LONP2: variants seen among roughly 807,000 people sequenced by gnomAD.
LONP2 encodes the protein lon protease homolog 2, peroxisomal.
LONP2 carries 60 observed loss-of-function variants against 85.6 expected under a neutral mutation model. That is an observed-to-expected ratio of 0.70 (90% CI 0.57 to 0.87). The LOEUF is 0.87. Among genes scored for constraint, LONP2 ranks in the 40% least tolerant of loss-of-function variants. The pLI is 0.00. For missense variants in LONP2, 860 were observed against 1,063.5 expected, an observed-to-expected ratio of 0.81 and a Z score of 2.66; for synonymous variants, 395 against 389.7, an observed-to-expected ratio of 1.01 and a Z score of -0.16.
At chr16:48,250,725 C>A (rs1285358815) in intron 1 of LONP2, among the ~76,000 whole-genome samples, 1 of 152,132 alleles carries the variant, frequency 6.6e-6, no homozygotes, top group African/African-American at 2.4e-5. Context: ...TGATGAATAT[C>A]ATCTGCAATT....
At position 48,301,239 on chromosome 16, in the gene LONP2, A is replaced by G. The variant is rs544189174; in HGVS notation, c.1661+1451A>G. Among the ~76,000 whole-genome samples, 9 of 152,346 alleles carry G rather than the reference A, an allele frequency of 5.9e-5. No individual in the cohort carries two copies. In the South Asian group the frequency reaches 1.2e-3, roughly 21 times the overall value. On this transcript the variant is annotated intron_variant, in intron 10 of 14. Transcript: ENST00000285737. ...GTTCTAGTCTTTCTTATCTCCAAGT[A>G]TAACTCACCTGCTTGAATACTTCCA... is the stretch of plus-strand genomic sequence containing the variant.
At chr16:48,298,671 T>TGTGTGTGTGTGTG (rs1972731709) in intron 9 of LONP2, among the ~76,000 whole-genome samples, 1 of 65,522 alleles carries the variant, frequency 1.5e-5, no homozygotes. Flanking sequence ...GTGTGTGTGT[T>TGTGTGTGTGTGTG]TCAAGTATAG....
Position 48,353,089 on chromosome 16 carries a change from A to G in LONP2, c.*1287A>G, listed in dbSNP as rs1355698185. ...TTGTTACTGTGGAGATTAAGTTCAA[A>G]TGCAATGTATAGTAATATTAAGCAA... On this transcript the variant is annotated 3_prime_UTR_variant, in exon 15 of 15. Coordinates refer to ENST00000285737, the MANE Select transcript of LONP2 (RefSeq NM_031490.5). 1 of 152,232 alleles carries G rather than the reference A, an allele frequency of 6.6e-6. No individual in the cohort carries two copies. Among genetic ancestry groups the G allele is most frequent in the Non-Finnish European group, 1.5e-5 (1 of 68,040 alleles). 9.4% of individuals were successfully genotyped at this position (152,232 alleles called of 1,614,324 possible).
In LONP2 at chr16:48,262,879, C is replaced by CA. The variant is rs1971907315; in HGVS notation, c.982+13dup. 6.5e-7 allele frequency: 1 copy of CA among 1,541,356 alleles called. No homozygotes were observed. The highest frequency in any genetic ancestry group is 8.9e-7 in the Non-Finnish European group (1 of 1,120,194). Reference sequence around the variant, plus strand: ...TGGAACAAAAGTACAACTGGTAAGCCAAAAAATAACACCTGTTTTGCAGTC... The same window carrying CA: ...TGGAACAAAAGTACAACTGGTAAGCCAAAAAAATAACACCTGTTTTGCAGTC... On this transcript the variant is annotated splice_region_variant and intron_variant, in intron 6 of 14. Coordinates refer to ENST00000285737, the MANE Select transcript of LONP2 (RefSeq NM_031490.5).
At chr16:48,261,281 C>G (rs1335422575) in intron 4 of LONP2, 143 bp from the exon 5 acceptor site, 1 of 566,424 alleles carries the variant, frequency 1.8e-6, no homozygotes, top group African/African-American at 1.9e-5. Flanking sequence ...TTTTGATTAT[C>G]ATTCTGAACT....
In LONP2 at chr16:48,299,775, G is replaced by A. The variant is rs751346334; in HGVS notation, c.1648G>A (p.Asp550Asn). The A allele has an allele frequency of 1.2e-6, 2 of 1,611,498 alleles. No individual in the cohort carries two copies. The highest frequency in any genetic ancestry group is 2.2e-5 in the South Asian group (2 of 90,394). ...QIQIPQVTTLDIITRYTREAG... is the reference protein window; with the variant it reads ...QIQIPQVTTLNIITRYTREAG... Reference sequence around the variant, plus strand: ...TCAGATACCCCAGGTCACCACTCTTGACATCATCACCAGGTTAGTTAGCCA... The same window carrying A: ...TCAGATACCCCAGGTCACCACTCTTAACATCATCACCAGGTTAGTTAGCCA... Residue 550 changes from aspartate to asparagine, a missense_variant, in exon 10 of 15, where the codon GAC becomes AAC. By Grantham distance (23) the Asp-to-Asn change is conservative (BLOSUM62 1). Coordinates refer to ENST00000285737, the MANE Select transcript of LONP2 (RefSeq NM_031490.5).
chr16:48,281,808 T>C (rs1353737374), intron 8 of LONP2, among the ~76,000 whole-genome samples: 1 of 152,200 alleles, frequency 6.6e-6, no homozygotes, highest in Admixed American at 6.5e-5. Flanking sequence ...AGTTAGTAAT[T>C]AGACCAATAG....
At chr16:48,274,662 C>CCACCCA (rs528100911) in intron 7 of LONP2, among the ~76,000 whole-genome samples, 5 of 151,194 alleles carry the variant, frequency 3.3e-5, no homozygotes, top group East Asian at 3.9e-4. Flanking sequence ...ACCCACACAC[C>CCACCCA]CACCCACACC....
At chr16:48,333,765 C>G (rs935268277) in intron 11 of LONP2, among the ~76,000 whole-genome samples, 2 of 152,124 alleles carry the variant, frequency 1.3e-5, no homozygotes, top group Non-Finnish European at 2.9e-5. Flanking sequence ...AAGTTTGTCA[C>G]AAGCCCTGAG....
intron 8 of LONP2, among the ~76,000 whole-genome samples, chr16:48,278,739 C>T (rs961025671): frequency 1.3e-5 from 2 of 152,168 alleles, no homozygotes; most frequent in Non-Finnish European, 2.9e-5. Context: ...TAATAATCTG[C>T]CTTGGCATGG....
At chr16:48,331,411 C>T (rs891335093) in intron 11 of LONP2, among the ~76,000 whole-genome samples, 1 of 152,126 alleles carries the variant, frequency 6.6e-6, no homozygotes, top group Non-Finnish European at 1.5e-5. Flanking sequence ...TAAAAGAAGT[C>T]AGAAAGATCA....
intron 8 of LONP2, among the ~76,000 whole-genome samples, chr16:48,282,566 T>C (rs954765630): frequency 2.0e-5 from 3 of 152,192 alleles, no homozygotes; most frequent in African/African-American, 7.2e-5. Flanking sequence ...ATATCTATTA[T>C]GATGATCTGT....
intron 8 of LONP2, among the ~76,000 whole-genome samples, chr16:48,284,685 C>T (rs1470424081): frequency 6.6e-6 from 1 of 151,960 alleles, no homozygotes; most frequent in Non-Finnish European, 1.5e-5. Context: ...CTTTTATATG[C>T]ACTGGGAAAC....
intron 11 of LONP2, among the ~76,000 whole-genome samples, chr16:48,308,581 C>T (rs543939660): frequency 1.5e-3 from 219 of 149,632 alleles, no homozygotes; most frequent in African/African-American, 5.1e-3. Context: ...GAGCCGAGAT[C>T]GCGCCATTGC....
rs1396324842 is a variant in LONP2, at chr16:48,355,681, G to GT, written c.*3885dup. On this transcript the variant is annotated 3_prime_UTR_variant, in exon 15 of 15. Transcript: ENST00000285737. ...ATCCTTGCCAGCACTCATTTTCTGG[G>GT]TTTTTTATAATAGCCCTCCAAATGG... The GT allele has an allele frequency of 2.6e-5, 4 of 152,076 alleles. No homozygotes were observed. The highest frequency in any genetic ancestry group is 1.3e-4 in the Admixed American group (2 of 15,258). The allele number at this position is 152,076 out of a possible 1,614,324, so 9.4% of individuals were successfully genotyped here. A position where few individuals can be genotyped will look rare whatever the true frequency, so the allele number is the denominator to read the frequency against.
At chr16:48,334,592 T>A in intron 12 of LONP2, 1 of 662,496 alleles carries the variant, frequency 1.5e-6, no homozygotes, top group Non-Finnish European at 2.7e-6. Context: ...GCAGTTGTAT[T>A]TCTGGGCAAG....
intron 14 of LONP2, among the ~76,000 whole-genome samples, chr16:48,351,193 A>G (rs1431284076): frequency 6.6e-6 from 1 of 152,214 alleles, no homozygotes; most frequent in East Asian, 1.9e-4. Context: ...GCACACAGCT[A>G]AGCTCTGCAG....
intron 2 of LONP2, among the ~76,000 whole-genome samples, chr16:48,255,485 G>C (rs1971739521): frequency 1.3e-5 from 2 of 152,206 alleles, no homozygotes; most frequent in South Asian, 4.1e-4. Context: ...GACTATCACA[G>C]TTACTGAAAG....
At chr16:48,298,626 G>GGTGTGTGTGTGTGTGTGTGT (rs3138605) in intron 9 of LONP2, among the ~76,000 whole-genome samples, 1 of 134,322 alleles carries the variant, frequency 7.4e-6, no homozygotes, top group African/African-American at 2.8e-5. Flanking sequence ...ATTTAATTGA[G>GGTGTGTGTGTGTGTGTGTGT]GTGTGTGTGT....
Sources: gnomAD v4.1 joint callset for allele counts (sites outside exome capture counted in the v4.1 genomes callset) on GRCh38, gnomAD v4.1.1 for gene constraint, MANE v1.5 for transcripts, NCBI Gene and HGNC (gene_info 2026-07-23, HGNC 2026-07-21) for gene names.